The following CEP112 variants were observed in gnomAD, a reference collection of about 807,000 sequenced individuals.
The protein encoded by CEP112 is centrosomal protein of 112 kDa.
Under a neutral mutation model 153.0 loss-of-function variants are expected in CEP112, and 127 were observed. That is an observed-to-expected ratio of 0.83 (90% CI 0.72 to 0.96). The LOEUF (loss-of-function observed/expected upper bound fraction) is 0.96, where lower values mean the gene tolerates loss of function less well. CEP112 is among the 40% of genes least tolerant of loss of function. The pLI is 0.00. For missense variants in CEP112, 1,089 were observed against 1,101.2 expected (o/e 0.99, Z 0.16); for synonymous variants, 358 against 374.4 (o/e 0.96, Z 0.51).
intron 24 of CEP112, among the ~76,000 whole-genome samples, chr17:65,671,864 G>C (rs1164468766): frequency 1.3e-5 from 2 of 152,080 alleles, no homozygotes; most frequent in Admixed American, 6.6e-5. Flanking sequence ...GTGAAACTTA[G>C]GAATTCTCAT....
intron 8 of CEP112, among the ~76,000 whole-genome samples, chr17:66,087,851 CACTAGACTTTACCTCAG>C (rs2067997468): frequency 6.6e-6 from 1 of 152,020 alleles, no homozygotes; most frequent in Non-Finnish European, 1.5e-5. Flanking sequence ...GAAAGGTGAG[CACTAGACTTTACCTCAG>C]ACCTCAATAC....
At chr17:65,926,432 G>A (rs2060926283) in intron 19 of CEP112, among the ~76,000 whole-genome samples, 1 of 152,120 alleles carries the variant, frequency 6.6e-6, no homozygotes, top group Non-Finnish European at 1.5e-5. Context: ...CACTCTTCAG[G>A]CCGGGTGTGG....
intron 24 of CEP112, among the ~76,000 whole-genome samples, chr17:65,660,920 C>T (rs2046358895): frequency 6.6e-6 from 1 of 152,162 alleles, no homozygotes; most frequent in Non-Finnish European, 1.5e-5. Flanking sequence ...TGATTCTCCA[C>T]ACTGTTGCAT....
chr17:65,767,764 T>G (rs1455858993), intron 21 of CEP112, among the ~76,000 whole-genome samples: 1 of 152,056 alleles, frequency 6.6e-6, no homozygotes, highest in Non-Finnish European at 1.5e-5. Context: ...TCAACATAGT[T>G]GATCATCTAG....
At chr17:65,864,813 A>G (rs2058428265) in intron 20 of CEP112, among the ~76,000 whole-genome samples, 1 of 151,940 alleles carries the variant, frequency 6.6e-6, no homozygotes, top group African/African-American at 2.4e-5. Context: ...TAAAATGAAC[A>G]TCTAATTTCT....
At chr17:65,694,295 GAA>G (rs2048259633) in intron 23 of CEP112, among the ~76,000 whole-genome samples, 1 of 152,178 alleles carries the variant, frequency 6.6e-6, no homozygotes, top group Non-Finnish European at 1.5e-5. Flanking sequence ...CAATTGAGGA[GAA>G]GTTAGGATGA....
chr17:65,643,538 T>G lies in CEP112; in HGVS notation c.2698-2473A>C, dbSNP rs34219460. ...CTGGTCTTGAACTCTTGACCTCAAGTGATCTGCCTGCCTCGGCCTCCCAAA... is the reference window on the plus strand; with the variant it reads ...CTGGTCTTGAACTCTTGACCTCAAGGGATCTGCCTGCCTCGGCCTCCCAAA... On this transcript the variant is annotated intron_variant, in intron 24 of 26. Coordinates refer to ENST00000535342, the MANE Select transcript of CEP112 (RefSeq NM_001199165.4). Among the ~76,000 whole-genome samples, 516 of 152,064 alleles carry G rather than the reference T, an allele frequency of 3.4e-3. 20 individuals are homozygous for G. The East Asian group carries it at 0.087, about 26-fold the overall frequency.
At chr17:66,133,983 C>T (rs886204180) in intron 4 of CEP112, among the ~76,000 whole-genome samples, 1 of 151,780 alleles carries the variant, frequency 6.6e-6, no homozygotes, top group Non-Finnish European at 1.5e-5. Context: ...TAGTTAAAAT[C>T]AAATGAGAAA....
At chr17:66,114,600 T>C (rs1052735872) in intron 6 of CEP112, among the ~76,000 whole-genome samples, 1 of 152,214 alleles carries the variant, frequency 6.6e-6, no homozygotes, top group Non-Finnish European at 1.5e-5. Flanking sequence ...AAATTGAATA[T>C]GCTCCAAAAT....
At chr17:65,748,524 CTCTT>C (rs1372423292) in intron 22 of CEP112, among the ~76,000 whole-genome samples, 1 of 152,158 alleles carries the variant, frequency 6.6e-6, no homozygotes, top group African/African-American at 2.4e-5. Context: ...GCCTCCTTTC[CTCTT>C]TCTCTATGGC....
chr17:65,998,382 C>CAAAAAAAAAAAAAAAAAAAAAAAA (rs34117654), intron 17 of CEP112, among the ~76,000 whole-genome samples: 1 of 70,028 alleles, frequency 1.4e-5, no homozygotes, highest in African/African-American at 6.2e-5. Context: ...GGCCTCGTCT[C>CAAAAAAAAAAAAAAAAAAAAAAAA]AAAAAAAAAA....
intron 8 of CEP112, among the ~76,000 whole-genome samples, chr17:66,086,019 A>G (rs1360094119): frequency 6.6e-6 from 1 of 151,598 alleles, no homozygotes; most frequent in Non-Finnish European, 1.5e-5. Flanking sequence ...GTCTATATAC[A>G]GTATATGATC....
chr17:65,641,174 G>A (rs933938568), intron 24 of CEP112, 109 bp from the exon 25 acceptor site: 78 of 640,674 alleles, frequency 1.2e-4, no homozygotes, highest in East Asian at 1.6e-4. Context: ...TTTGTTACAC[G>A]CGGTCAGAAA....
chr17:66,018,221 A>G (rs1031531426), intron 16 of CEP112, among the ~76,000 whole-genome samples: 2 of 152,216 alleles, frequency 1.3e-5, no homozygotes, highest in Non-Finnish European at 2.9e-5. Context: ...TCAAGGATAC[A>G]TAATATATTT....
In CEP112 at chr17:65,725,709, A is replaced by C. The variant is rs192655090; in HGVS notation, c.2607+17359T>G. On this transcript the variant is annotated intron_variant, in intron 23 of 26. Coordinates refer to ENST00000535342, the MANE Select transcript of CEP112 (RefSeq NM_001199165.4). ...TTCCACATGGCTGGGGAGGCCTCAG[A>C]ATCATGGTGGTGGCAAGAGAAAATC... Among the ~76,000 whole-genome samples the C allele has an allele frequency of 1.6e-4, 25 of 152,340 alleles. No homozygotes were observed. The East Asian group carries it at 4.8e-3, about 29-fold the overall frequency.
Position 66,027,562 on chromosome 17 carries a change from T to G in CEP112, c.1597-2A>C, listed in dbSNP as rs1430786486. 1 of 1,280,630 alleles carries G rather than the reference T, an allele frequency of 7.8e-7. No homozygotes were observed. The highest frequency in any genetic ancestry group is 1.4e-5 in the South Asian group (1 of 69,564). 79.3% of individuals were successfully genotyped at this position (1,280,630 alleles called of 1,614,324 possible). ...CATCTGAAACTTATTTTCTTGATCC[T>G]GTGAATGATAAATGTTTATATTTAT... is the stretch of plus-strand genomic sequence containing the variant. On this transcript the variant is annotated splice_acceptor_variant, in intron 15 of 26. Transcript: ENST00000535342. LOFTEE classifies it high-confidence loss of function.
At chr17:65,881,899 T>G (rs1243705051) in intron 20 of CEP112, among the ~76,000 whole-genome samples, 1 of 152,258 alleles carries the variant, frequency 6.6e-6, no homozygotes, top group Non-Finnish European at 1.5e-5. Flanking sequence ...GTAGGAATAC[T>G]ACTGTTCCCT....
intron 16 of CEP112, among the ~76,000 whole-genome samples, chr17:66,014,182 A>T (rs2064668776): frequency 1.3e-5 from 2 of 152,180 alleles, no homozygotes; most frequent in African/African-American, 4.8e-5. Context: ...GTAAAGCAGC[A>T]TGGGGGAGGC....
At chr17:66,115,655 A>G (rs541133465) in intron 6 of CEP112, among the ~76,000 whole-genome samples, 14 of 152,252 alleles carry the variant, frequency 9.2e-5, no homozygotes, top group African/African-American at 2.9e-4. Flanking sequence ...ATTCACCATG[A>G]TTGCTCCTTT....
Sources: allele counts gnomAD v4.1 joint callset (sites outside exome capture counted in the v4.1 genomes callset), GRCh38; gene constraint gnomAD v4.1.1; transcripts MANE v1.5; gene names NCBI Gene and HGNC (gene_info 2026-07-23, HGNC 2026-07-21).